Variants in POLR2F observed in about 807,000 individuals in gnomAD.
The protein encoded by POLR2F is DNA-directed RNA polymerases I, II, and III subunit RPABC2.
A neutral mutation model predicts 22.7 loss-of-function variants in POLR2F; 12 were observed. That is an observed-to-expected ratio of 0.53 (90% CI 0.34 to 0.86). The LOEUF is 0.86. Ranked by LOEUF, POLR2F falls within the 40% of genes least tolerant of loss-of-function variation. The pLI, the probability that POLR2F is intolerant of heterozygous loss-of-function variation, is 0.02. For missense variants in POLR2F, 126 were observed against 171.5 expected (o/e 0.73, Z 1.48); for synonymous variants, 57 against 66.0 (o/e 0.86, Z 0.66).
intron 5 of POLR2F, among the ~76,000 whole-genome samples, chr22:38,032,010 T>G (rs2085070422): frequency 6.6e-6 from 1 of 152,164 alleles, no homozygotes; most frequent in Non-Finnish European, 1.5e-5. Context: ...CTTTTACTTT[T>G]TTTTTGAGAC....
At chr22:38,003,338 C>T (rs993997175) in intron 1 of POLR2F, among the ~76,000 whole-genome samples, 10 of 151,918 alleles carry the variant, frequency 6.6e-5, no homozygotes, top group Admixed American at 1.3e-4. Flanking sequence ...GCGATTCTCC[C>T]GCCTCAGCCT....
intron 1 of POLR2F, among the ~76,000 whole-genome samples, chr22:38,009,999 T>C (rs1337026047): frequency 1.3e-5 from 2 of 152,242 alleles, no homozygotes; most frequent in East Asian, 3.8e-4. Context: ...ACAAGTTGTG[T>C]GGACATATGC....
At chr22:37,977,164 T>G (rs1244733637) in intron 4 of POLR2F, among the ~76,000 whole-genome samples, 1 of 144,304 alleles carries the variant, frequency 6.9e-6, no homozygotes, top group Admixed American at 6.9e-5. Context: ...TGAGACTCTG[T>G]CTCCAGAAAA....
chr22:38,008,010 C>G (rs1432917126), intron 1 of POLR2F, among the ~76,000 whole-genome samples: 1 of 152,122 alleles, frequency 6.6e-6, no homozygotes, highest in African/African-American at 2.4e-5. Context: ...GAGGCTGAGG[C>G]AGGTGGATCA....
At chr22:38,022,364 C>T (rs924865287) in intron 1 of POLR2F, among the ~76,000 whole-genome samples, 5 of 151,588 alleles carry the variant, frequency 3.3e-5, no homozygotes, top group Non-Finnish European at 7.4e-5. Context: ...CCAGCCTGAC[C>T]AACATGGTGA....
rs2084915109 is a variant in POLR2F, at chr22:38,016,347, C to T, written c.121-9522C>T. On this transcript the variant is annotated intron_variant, in intron 1 of 2. Transcript: ENST00000333418. This position sits in a 1 kb window ranked among gnomAD's most constrained non-coding sequence, Gnocchi z 4.4. ...CAAAGGCATTTGGGAGCCTGCTCCTCCCTCTGTACCTCCACCAGCCGTCCC... is the reference window on the plus strand; with the variant it reads ...CAAAGGCATTTGGGAGCCTGCTCCTTCCTCTGTACCTCCACCAGCCGTCCC... 6.6e-6 allele frequency among the ~76,000 whole-genome samples: 1 copy of T among 152,256 alleles called. No homozygotes were observed. Among genetic ancestry groups the T allele is most frequent in the African/African-American group, 2.4e-5 (1 of 41,466 alleles).
intron 1 of POLR2F, among the ~76,000 whole-genome samples, chr22:37,995,238 A>G (rs1048488243): frequency 6.6e-5 from 10 of 152,034 alleles, no homozygotes; most frequent in African/African-American, 2.4e-4. Flanking sequence ...TTTGTTTCCC[A>G]CCTTTTGTCC....
chr22:38,023,765 C>T (rs766035946), intron 1 of POLR2F, among the ~76,000 whole-genome samples: 4 of 151,852 alleles, frequency 2.6e-5, no homozygotes, highest in Non-Finnish European at 4.4e-5. Context: ...CTCTGCCTCC[C>T]GGGTTCAAGT....
intron 1 of POLR2F, among the ~76,000 whole-genome samples, chr22:38,023,078 G>C (rs1365582333): frequency 6.6e-6 from 1 of 152,188 alleles, no homozygotes; most frequent in Non-Finnish European, 1.5e-5. Context: ...CTCCTTCTGT[G>C]CTCCACTGGG....
At chr22:38,000,141 C>G (rs1408060293) in intron 1 of POLR2F, among the ~76,000 whole-genome samples, 1 of 152,240 alleles carries the variant, frequency 6.6e-6, no homozygotes, top group African/African-American at 2.4e-5. Flanking sequence ...CCCCTGACGG[C>G]ATGGTGCAGG....
chr22:38,032,268 G>A (rs147197977), intron 5 of POLR2F: 1,584 of 152,262 alleles, frequency 0.01, 12 homozygotes, highest in Non-Finnish European at 0.016. Context: ...AAAGTGCCAG[G>A]GTTACAGATG....
chr22:37,954,679 G>T (rs531961180), intron 1 of POLR2F, among the ~76,000 whole-genome samples: 39 of 152,264 alleles, frequency 2.6e-4, no homozygotes, highest in South Asian at 1.5e-3. Flanking sequence ...AACTGGTTTT[G>T]AATTCTGGAT....
chr22:38,037,437 C>CTTTTTTTTT, intron 5 of POLR2F, among the ~76,000 whole-genome samples: 5 of 96,148 alleles, frequency 5.2e-5, no homozygotes, highest in African/African-American at 2.9e-4. Flanking sequence ...CCATGCTCGG[C>CTTTTTTTTT]TATTTTTTTT....
chr22:37,996,778 C>G (rs923982099), intron 1 of POLR2F, among the ~76,000 whole-genome samples: 1 of 152,232 alleles, frequency 6.6e-6, no homozygotes, highest in Non-Finnish European at 1.5e-5. Flanking sequence ...TGGTCCAAAC[C>G]TGGGGCCAAA....
At position 38,025,275 on chromosome 22, in the gene POLR2F, AACAC is replaced by A. The variant is rs534331813; in HGVS notation, c.121-590_121-587del. On this transcript the variant is annotated intron_variant, in intron 1 of 2. Coordinates refer to the POLR2F transcript ENST00000333418. ...CACACAGGCACTCATGTACTCCCACAACACACAAACACACACAGATGCACTTGCA... is the reference window on the plus strand; with the variant it reads ...CACACAGGCACTCATGTACTCCCACAACAAACACACACAGATGCACTTGCA... Among the ~76,000 whole-genome samples, 18 of 152,138 alleles carry A rather than the reference AACAC, an allele frequency of 1.2e-4. No individual in the cohort carries two copies. The East Asian group carries it at 3.1e-3, about 26-fold the overall frequency.
chr22:38,041,375 T>G, downstream of POLR2F: 1 of 442,108 alleles, frequency 2.3e-6, no homozygotes, highest in Non-Finnish European at 4.0e-6. Context: ...GAGGGACTGT[T>G]GGGATGTCTG....
chr22:37,984,012 G>C (rs1162197812), upstream of POLR2F: 4 of 319,016 alleles, frequency 1.3e-5, no homozygotes, highest in Non-Finnish European at 2.3e-5. This position sits in a 1 kb window ranked among gnomAD's most constrained non-coding sequence, Gnocchi z 4.4. Context: ...GCACATGCCA[G>C]ACTCTAGGTG....
At position 37,996,964 on chromosome 22, in the gene POLR2F, C is replaced by T. The variant is rs116366240; in HGVS notation, c.120+10652C>T. Among the ~76,000 whole-genome samples, 733 of 152,258 alleles carry T rather than the reference C, an allele frequency of 4.8e-3. 6 individuals are homozygous for T. Among genetic ancestry groups the T allele is most frequent in the African/African-American group, 0.017 (705 of 41,546 alleles). The stretch of plus-strand genomic sequence containing the variant: ...CTCCCCAGCCTTGAAACTCCCACCC[C>T]TAGGGCAGGCCACCCCACTCCTGTG... On this transcript the variant is annotated intron_variant, in intron 1 of 2. Transcript: ENST00000333418.
chr22:38,038,415 G>A (rs1425667059), intron 5 of POLR2F, among the ~76,000 whole-genome samples: 1 of 152,170 alleles, frequency 6.6e-6, no homozygotes, highest in African/African-American at 2.4e-5. Context: ...CTCTGGCCGG[G>A]TCACAGGGCG....
Sources: allele counts gnomAD v4.1 joint callset (sites outside exome capture counted in the v4.1 genomes callset), GRCh38; gene constraint gnomAD v4.1.1; non-coding constraint Gnocchi (gnomAD v3.1); transcripts MANE v1.5; gene names NCBI Gene and HGNC (gene_info 2026-07-23, HGNC 2026-07-21).